OPCML: variants seen among roughly 807,000 people sequenced by gnomAD.
OPCML encodes the protein opioid binding protein/cell adhesion molecule like.
A neutral mutation model predicts 37.8 loss-of-function variants in OPCML; 13 were observed. The observed-to-expected ratio is 0.34, with a 90% CI of 0.22 to 0.55. The LOEUF (loss-of-function observed/expected upper bound fraction) is 0.55. Ranked by LOEUF, OPCML falls within the 20% of genes least tolerant of loss-of-function variation. The pLI is 0.91. For synonymous variants in OPCML, 176 were observed against 168.8 expected (o/e 1.04, Z -0.33); for missense variants, 341 against 435.6 (o/e 0.78, Z 1.93).
At chr11:132,879,160 G>A (rs1182096839) in intron 2 of OPCML, among the ~76,000 whole-genome samples, 1 of 152,194 alleles carries the variant, frequency 6.6e-6, no homozygotes, top group Non-Finnish European at 1.5e-5. Context: ...GGAAATCACT[G>A]ATTCTGGTTT....
intron 1 of OPCML, among the ~76,000 whole-genome samples, chr11:133,053,241 T>C (rs886423739): frequency 2.0e-5 from 3 of 152,184 alleles, no homozygotes; most frequent in African/African-American, 7.2e-5. Context: ...GAGCTCATGA[T>C]GGAGACTGCT....
intron 2 of OPCML, among the ~76,000 whole-genome samples, chr11:132,921,250 C>T (rs1036619947): frequency 9.2e-5 from 14 of 152,172 alleles, no homozygotes; most frequent in African/African-American, 2.7e-4. Flanking sequence ...AAGACAAGTT[C>T]GCCTCCCTGT....
intron 1 of OPCML, among the ~76,000 whole-genome samples, chr11:133,093,346 G>C (rs911588928): frequency 6.6e-6 from 1 of 151,538 alleles, no homozygotes. Context: ...AGAATGTACA[G>C]GTTTGCTACA....
chr11:133,102,573 C>T (rs2137074698), intron 1 of OPCML, among the ~76,000 whole-genome samples: 1 of 152,118 alleles, frequency 6.6e-6, no homozygotes, highest in East Asian at 1.9e-4. Context: ...ATGGTGAAAC[C>T]CTTCTCTACT....
chr11:133,083,221 G>C (rs914664419), intron 1 of OPCML, among the ~76,000 whole-genome samples: 2 of 152,184 alleles, frequency 1.3e-5, no homozygotes, highest in Non-Finnish European at 2.9e-5. Flanking sequence ...TGCCTTTCCC[G>C]CGGGTGCACT....
At chr11:132,493,842 G>A (rs1275473976) in intron 4 of OPCML, among the ~76,000 whole-genome samples, 1 of 152,236 alleles carries the variant, frequency 6.6e-6, no homozygotes, top group Non-Finnish European at 1.5e-5. Flanking sequence ...CAAGGCATAG[G>A]AGCTTGTTTA....
intron 2 of OPCML, among the ~76,000 whole-genome samples, chr11:132,861,847 A>C (rs1009924694): frequency 1.3e-5 from 2 of 152,096 alleles, no homozygotes; most frequent in Admixed American, 6.5e-5. Context: ...ATAAAAAAAA[A>C]AAAAAAAAAC....
At chr11:132,742,602 T>C (rs769102868) in intron 2 of OPCML, among the ~76,000 whole-genome samples, 182 of 152,002 alleles carry the variant, frequency 1.2e-3, no homozygotes, top group Non-Finnish European at 2.3e-3. Context: ...ACTCTATCTC[T>C]GGTATTTTTG....
chr11:133,489,325 T>C (rs1157439931), intron 1 of OPCML, among the ~76,000 whole-genome samples: 1 of 150,886 alleles, frequency 6.6e-6, no homozygotes, highest in Non-Finnish European at 1.5e-5. Context: ...AACTGTAAAC[T>C]ATGCATCTGA....
chr11:133,416,069 A>G (rs1945756898), intron 1 of OPCML, among the ~76,000 whole-genome samples: 1 of 152,216 alleles, frequency 6.6e-6, no homozygotes, highest in African/African-American at 2.4e-5. Context: ...CTTCTGACCA[A>G]TGGAAATATA....
rs1386350780 is a variant in OPCML at position 133,194,371 on chromosome 11, C to T, written c.62-251361G>A. ...GATTACAAGCATGCACCAACACACC[C>T]AGCTAATTTTGTATTTTTAGAAGAT... On this transcript the variant is annotated intron_variant, in intron 1 of 7. Transcript: ENST00000524381. Among the ~76,000 whole-genome samples, 3 of 152,144 alleles carry T rather than the reference C, an allele frequency of 2.0e-5. No homozygotes were observed. In the South Asian group the frequency reaches 6.3e-4, roughly 32 times the overall value.
intron 1 of OPCML, among the ~76,000 whole-genome samples, chr11:133,112,931 G>T (rs1949279236): frequency 6.6e-6 from 1 of 152,192 alleles, no homozygotes; most frequent in African/African-American, 2.4e-5. Flanking sequence ...AAGGTCAGAT[G>T]ACACATATCT....
At chr11:133,012,571 T>C (rs1947239206) in intron 1 of OPCML, among the ~76,000 whole-genome samples, 1 of 152,206 alleles carries the variant, frequency 6.6e-6, no homozygotes, top group Non-Finnish European at 1.5e-5. Context: ...TATTTTCTAA[T>C]GCTAAAAAAT....
chr11:133,514,839 T>C (rs1418367095), intron 1 of OPCML, among the ~76,000 whole-genome samples: 1 of 152,234 alleles, frequency 6.6e-6, no homozygotes, highest in South Asian at 2.1e-4. Context: ...TATTGAAGTC[T>C]ACCCTAAGAA....
intron 2 of OPCML, among the ~76,000 whole-genome samples, chr11:132,920,635 C>A (rs1164512051): frequency 6.6e-6 from 1 of 152,170 alleles, no homozygotes; most frequent in Non-Finnish European, 1.5e-5. Flanking sequence ...TCTCCAGGCG[C>A]TTTACGAGCC....
intron 4 of OPCML, among the ~76,000 whole-genome samples, chr11:132,499,291 G>T (rs1191734587): frequency 6.6e-6 from 1 of 152,220 alleles, no homozygotes; most frequent in Non-Finnish European, 1.5e-5. Context: ...AAGCTCCATT[G>T]ACATGAGGGG....
chr11:132,853,902 A>T (rs1011164280), intron 2 of OPCML, among the ~76,000 whole-genome samples: 1 of 152,204 alleles, frequency 6.6e-6, no homozygotes, highest in Admixed American at 6.6e-5. Context: ...ATTCTCCAGT[A>T]GGCAGTTAAA....
intron 1 of OPCML, among the ~76,000 whole-genome samples, chr11:133,293,920 A>C: frequency 6.6e-6 from 1 of 151,866 alleles, no homozygotes; most frequent in African/African-American, 2.4e-5. Context: ...ACACACACAC[A>C]CACACACACA....
intron 4 of OPCML, among the ~76,000 whole-genome samples, chr11:132,473,950 A>G (rs1177310195): frequency 1.3e-5 from 2 of 152,184 alleles, no homozygotes; most frequent in South Asian, 2.1e-4. Flanking sequence ...ACTCTCTACA[A>G]TCTAAGGCCA....
Sources: gnomAD v4.1 joint callset for allele counts (sites outside exome capture counted in the v4.1 genomes callset) on GRCh38, gnomAD v4.1.1 for gene constraint, MANE v1.5 for transcripts, NCBI Gene and HGNC (gene_info 2026-07-23, HGNC 2026-07-21) for gene names.